IL17A: variants seen among roughly 807,000 people sequenced by gnomAD.
IL17A encodes interleukin 17A, also known as interleukin-17A.
In IL17A, 1 loss-of-function variant was observed where a neutral mutation model predicts 7.2. That is an observed-to-expected ratio of 0.14 (90% CI 0.05 to 0.66). IL17A has a LOEUF of 0.66. IL17A is among the 30% of genes least tolerant of loss of function. The probability of loss-of-function intolerance (pLI) is 0.84; values close to 1 mark genes in which losing one functional copy is unlikely to be tolerated. For missense variants in IL17A, 191 were observed against 197.1 expected (o/e 0.97, Z 0.18); for synonymous variants, 90 against 77.7 (o/e 1.16, Z -0.83).
At chr6:52,187,573 A>G (rs1302346104) in intron 1 of IL17A, 30 bp from the exon 2 acceptor site, 1 of 1,558,748 alleles carries the variant, frequency 6.4e-7, no homozygotes, top group Non-Finnish European at 8.9e-7. Context: ...CTAATCTCCA[A>G]CCTCTCTCTC....
chr6:52,188,983 T>C, intron 2 of IL17A, 72 bp from the exon 3 acceptor site: 1 of 1,168,616 alleles, frequency 8.6e-7, no homozygotes, highest in Non-Finnish European at 1.3e-6. Context: ...CCTCTCTTCA[T>C]GTATTCCTGT....
In IL17A at chr6:52,189,187, C is replaced by A; in HGVS notation, c.363C>A (p.Val121=). ...NSVPIQQEIL[V]LRREPPHCPN... is the part of the protein sequence containing the mutation. ...TCCCCATCCAGCAAGAGATCCTGGT[C>A]CTGCGCAGGGAGCCTCCACACTGCC... Residue 121 remains valine, a synonymous_variant, in exon 3 of 3, where the codon GTC becomes GTA. Coordinates refer to ENST00000648244, the MANE Select transcript of IL17A (RefSeq NM_002190.3). 1 of 1,614,148 alleles carries A rather than the reference C, an allele frequency of 6.2e-7. No individual in the cohort carries two copies. The highest frequency in any genetic ancestry group is 1.1e-5 in the South Asian group (1 of 91,084).
chr6:52,190,506 C>T lies in IL17A; in HGVS notation c.*1214C>T, dbSNP rs1243226417. 2 of 152,200 alleles carry T rather than the reference C, an allele frequency of 1.3e-5. No homozygotes were observed. The highest frequency in any genetic ancestry group is 2.9e-5 in the Non-Finnish European group (2 of 68,058). The allele number at this position is 152,200 out of a possible 1,614,324, so 9.4% of individuals were successfully genotyped here. A position where few individuals can be genotyped will look rare whatever the true frequency, so the allele number is the denominator to read the frequency against. The stretch of plus-strand genomic sequence containing the variant: ...TGGCTTCTGTCTGATCAAGGCACCA[C>T]ACAACCCAGAAAGGAGCTGATGGGG... On this transcript the variant is annotated 3_prime_UTR_variant, in exon 3 of 3. Transcript: ENST00000648244.
rs932208319 is a variant in IL17A at position 52,188,992 on chromosome 6, G to C, written c.231-63G>C. The C allele has an allele frequency of 4.6e-6, 6 of 1,309,012 alleles. No individual in the cohort carries two copies. In the South Asian group the frequency reaches 7.5e-5, roughly 16 times the overall value. 81.1% of individuals were successfully genotyped at this position (1,309,012 alleles called of 1,614,324 possible). On this transcript the variant is annotated intron_variant, in intron 2 of 2. Coordinates refer to ENST00000648244, the MANE Select transcript of IL17A (RefSeq NM_002190.3). ...AACTTGCCTCTCTTCATGTATTCCT[G>C]TTTTATTTCTTTCCCACTTTACCAG...
chr6:52,189,082 C>T lies in IL17A; in HGVS notation c.258C>T (p.Pro86=), dbSNP rs1251336412. 1.2e-6 allele frequency: 2 copies of T among 1,614,038 alleles called. No individual in the cohort carries two copies. ...GCAATGAGGACCCTGAGAGATATCC[C>T]TCTGTGATCTGGGAGGCAAAGTGCC... ...LHRNEDPERY[P]SVIWEAKCRH... Residue 86 remains proline (P), a synonymous_variant, in exon 3 of 3, where the codon CCC becomes CCT. Coordinates refer to ENST00000648244, the MANE Select transcript of IL17A (RefSeq NM_002190.3).
rs1250966771 is a variant in IL17A at position 52,189,266 on chromosome 6, A to T, written c.442A>T (p.Thr148Ser). ...GGTGTCCGTGGGCTGCACCTGTGTC[A>T]CCCCGATTGTCCACCATGTGGCCTA... is the stretch of plus-strand genomic sequence containing the variant. Reference protein sequence around the residue: ...ILVSVGCTCVTPIVHHVA With the variant: ...ILVSVGCTCVSPIVHHVA The change falls in exon 3 of 3, where the codon ACC becomes TCC. Residue 148 changes from threonine (T) to serine (S), a missense_variant. Coordinates refer to ENST00000648244, the MANE Select transcript of IL17A (RefSeq NM_002190.3). 1.9e-6 allele frequency: 3 copies of T among 1,613,766 alleles called. No individual in the cohort carries two copies. The African/African-American group carries it at 4.0e-5, about 22-fold the overall frequency.
At position 52,186,402 on chromosome 6, in the gene IL17A, T is replaced by C. The variant is rs375071669; in HGVS notation, c.-30T>C. 210 of 1,613,244 alleles carry C rather than the reference T, an allele frequency of 1.3e-4. 2 individuals are homozygous for C. The African/African-American group carries it at 1.9e-3, about 14-fold the overall frequency. On this transcript the variant is annotated 5_prime_UTR_variant, in exon 1 of 3. Coordinates refer to ENST00000648244, the MANE Select transcript of IL17A (RefSeq NM_002190.3). ...CCATCTCATAGCAGGCACAAACTCA[T>C]CCATCCCCAGTTGATTGGAAGAAAC...
intron 1 of IL17A, 26 bp downstream of exon 1, chr6:52,186,484 C>T: frequency 3.7e-6 from 6 of 1,612,324 alleles, no homozygotes; most frequent in Non-Finnish European, 5.1e-6. Context: ...ACGTGCGATG[C>T]TCTTGCTGAT....
At position 52,189,224 on chromosome 6, in the gene IL17A, C is replaced by A. The variant is rs764987987; in HGVS notation, c.400C>A (p.Arg134=). Residue 134 remains arginine, a synonymous_variant, in exon 3 of 3, where the codon CGG becomes AGG. Transcript: ENST00000648244. ...REPPHCPNSF[R]LEKILVSVGC... ...GCCTCCACACTGCCCCAACTCCTTCCGGCTGGAGAAGATACTGGTGTCCGT... is the reference window on the plus strand; with the variant it reads ...GCCTCCACACTGCCCCAACTCCTTCAGGCTGGAGAAGATACTGGTGTCCGT... The A allele has an allele frequency of 6.2e-7, 1 of 1,614,108 alleles. No individual in the cohort carries two copies. The highest frequency in any genetic ancestry group is 8.5e-7 in the Non-Finnish European group (1 of 1,180,000).
rs768084470 is a variant in IL17A at position 52,189,280 on chromosome 6, C to G, written c.456C>G (p.His152Gln). 6.2e-6 allele frequency: 10 copies of G among 1,613,690 alleles called. No individual in the cohort carries two copies. The highest frequency in any genetic ancestry group is 4.0e-5 in the African/African-American group (3 of 74,924). Reference sequence around the variant, plus strand: ...GCACCTGTGTCACCCCGATTGTCCACCATGTGGCCTAAGAGCTCTGGGGAG... The same window carrying G: ...GCACCTGTGTCACCCCGATTGTCCAGCATGTGGCCTAAGAGCTCTGGGGAG... ...VGCTCVTPIV[H>Q]HVA is the part of the protein sequence containing the mutation. The change falls in exon 3 of 3, where the codon CAC becomes CAG. Residue 152 changes from histidine to glutamine, a missense_variant. Physicochemically the swap from His to Gln is conservative, Grantham distance 24 (BLOSUM62 0). Transcript: ENST00000648244.
intron 2 of IL17A, among the ~76,000 whole-genome samples, chr6:52,188,217 T>C (rs560451315): frequency 2.0e-5 from 3 of 152,222 alleles, no homozygotes; most frequent in Non-Finnish European, 4.4e-5. Flanking sequence ...TTTTATTCTT[T>C]TGCTTATTTT....
chr6:52,187,921 G>C, intron 2 of IL17A, 116 bp downstream of exon 2: 2 of 889,758 alleles, frequency 2.2e-6, no homozygotes, highest in African/African-American at 1.6e-5. Context: ...GTCAAACCTG[G>C]AAGGACCACT....
In IL17A at chr6:52,187,821, A is replaced by C. The variant is rs1044583424; in HGVS notation, c.230+16A>C. 6.9e-6 allele frequency: 11 copies of C among 1,599,822 alleles called. No homozygotes were observed. The African/African-American group carries it at 1.5e-4, about 21-fold the overall frequency. ...GGAATCTCCAGTACGTAAAGCTTCC[A>C]GATAAAAATGCTATATTCTTCATCC... is the stretch of plus-strand genomic sequence containing the variant. On this transcript the variant is annotated intron_variant, in intron 2 of 2. Coordinates refer to ENST00000648244, the MANE Select transcript of IL17A (RefSeq NM_002190.3).
chr6:52,188,624 G>A (rs1450307664), intron 2 of IL17A, among the ~76,000 whole-genome samples: 1 of 152,072 alleles, frequency 6.6e-6, no homozygotes, highest in Non-Finnish European at 1.5e-5. Flanking sequence ...TGTGATCTCA[G>A]ATAAAATTTT....
rs1386733908 is a variant in IL17A at position 52,189,185 on chromosome 6, G to A, written c.361G>A (p.Val121Ile). ...NSVPIQQEIL[V>I]LRREPPHCPN... ...TGTCCCCATCCAGCAAGAGATCCTG[G>A]TCCTGCGCAGGGAGCCTCCACACTG... is the stretch of plus-strand genomic sequence containing the variant. The change falls in exon 3 of 3, where the codon GTC becomes ATC. Residue 121 changes from valine to isoleucine, a missense_variant. Val to Ile is a conservative substitution (Grantham distance 29, BLOSUM62 3). Coordinates refer to ENST00000648244, the MANE Select transcript of IL17A (RefSeq NM_002190.3). 1.9e-6 allele frequency: 3 copies of A among 1,614,002 alleles called. No individual in the cohort carries two copies. Among genetic ancestry groups the A allele is most frequent in the East Asian group, 2.2e-5 (1 of 44,870 alleles).
At position 52,190,012 on chromosome 6, in the gene IL17A, T is replaced by A. The variant is rs1763350752; in HGVS notation, c.*720T>A. On this transcript the variant is annotated 3_prime_UTR_variant, in exon 3 of 3. Coordinates refer to ENST00000648244, the MANE Select transcript of IL17A (RefSeq NM_002190.3). ...TTATAATAAAATCCTTCTGTAATAA[T>A]AAAGTTTCAAAAGAAAATGTTTATT... 1 of 152,216 alleles carries A rather than the reference T, an allele frequency of 6.6e-6. No individual in the cohort carries two copies. The highest frequency in any genetic ancestry group is 2.4e-5 in the African/African-American group (1 of 41,462). The allele number at this position is 152,216 out of a possible 1,614,324, so 9.4% of individuals were successfully genotyped here.
In IL17A at chr6:52,189,194, A is replaced by C. The variant is rs529463839; in HGVS notation, c.370A>C (p.Arg124=). The C allele has an allele frequency of 1.9e-6, 3 of 1,614,156 alleles. No homozygotes were observed. The East Asian group carries it at 6.7e-5, about 36-fold the overall frequency. ...PIQQEILVLR[R]EPPHCPNSFR... The stretch of plus-strand genomic sequence containing the variant: ...CCAGCAAGAGATCCTGGTCCTGCGC[A>C]GGGAGCCTCCACACTGCCCCAACTC... Residue 124 remains arginine (R), a synonymous_variant, in exon 3 of 3, where the codon AGG becomes CGG. Transcript: ENST00000648244.
Position 52,186,563 on chromosome 6 carries a change from AC to A in IL17A, c.27+106del. 3.0e-6 allele frequency: 3 copies of A among 1,011,730 alleles called. No homozygotes were observed. In the South Asian group the frequency reaches 4.1e-5, roughly 14 times the overall value. The allele number at this position is 1,011,730 out of a possible 1,614,324, so 62.7% of individuals were successfully genotyped here. On this transcript the variant is annotated intron_variant, in intron 1 of 2. Coordinates refer to ENST00000648244, the MANE Select transcript of IL17A (RefSeq NM_002190.3). Reference sequence around the variant, plus strand: ...GTTCTGACTATGGAGATCCAGGAATACTGTATATGTAGGATAGGAAATGAAA... The same window carrying A: ...GTTCTGACTATGGAGATCCAGGAATATGTATATGTAGGATAGGAAATGAAA...
At chr6:52,186,480 G>A (rs190164861) in intron 1 of IL17A, 22 bp downstream of exon 1, 14 of 1,612,720 alleles carry the variant, frequency 8.7e-6, no homozygotes, top group African/African-American at 5.3e-5. Context: ...ACTAACGTGC[G>A]ATGCTCTTGC....
Sources: allele counts gnomAD v4.1 joint callset (sites outside exome capture counted in the v4.1 genomes callset), GRCh38; gene constraint gnomAD v4.1.1; transcripts MANE v1.5; gene names NCBI Gene and HGNC (gene_info 2026-07-23, HGNC 2026-07-21).